NCALD: variants seen among roughly 807,000 people sequenced by gnomAD.
NCALD encodes the protein neurocalcin-delta.
Under a neutral mutation model 18.6 loss-of-function variants are expected in NCALD, and 10 were observed. The ratio of observed to expected loss-of-function variants is 0.54; its 90% CI spans 0.33 to 0.91. The LOEUF is 0.91. Ranked by LOEUF, NCALD falls within the 40% of genes least tolerant of loss-of-function variation. NCALD has a pLI of 0.03. For missense variants in NCALD, 184 were observed against 247.6 expected, an observed-to-expected ratio of 0.74 and a Z score of 1.72; for synonymous variants, 88 against 87.4, an observed-to-expected ratio of 1.01 and a Z score of -0.04.
intron 1 of NCALD, among the ~76,000 whole-genome samples, chr8:101,786,214 A>G (rs1397399347): frequency 2.0e-5 from 3 of 152,158 alleles, no homozygotes; most frequent in Non-Finnish European, 2.9e-5. Flanking sequence ...ATGTGCTCAA[A>G]ATTTGCTGAA....
chr8:101,889,216 G>A (rs1816784969), intron 3 of NCALD, among the ~76,000 whole-genome samples: 1 of 152,246 alleles, frequency 6.6e-6, no homozygotes, highest in South Asian at 2.1e-4. Flanking sequence ...GCCACATGCT[G>A]TGAACGAAGC....
At chr8:101,914,826 C>T (rs1817921978) in intron 3 of NCALD, among the ~76,000 whole-genome samples, 1 of 152,132 alleles carries the variant, frequency 6.6e-6, no homozygotes, top group South Asian at 2.1e-4. Context: ...ATATTTGCTG[C>T]CACAGTCTTA....
In NCALD at chr8:102,008,580, G is replaced by C. The variant is rs1174760065; in HGVS notation, c.-157+11657C>G. 2.6e-5 allele frequency among the ~76,000 whole-genome samples: 4 copies of C among 151,208 alleles called. 1 individual carries two copies. Among genetic ancestry groups the C allele is most frequent in the Non-Finnish European group, 5.9e-5 (4 of 67,890 alleles). On this transcript the variant is annotated intron_variant, in intron 2 of 6. Coordinates refer to the NCALD transcript ENST00000311028. ...TGAAAAAAATGTCCTCCTTATACCAGAAGGAAAGCAACATTCCTAACATCA... is the reference window on the plus strand; with the variant it reads ...TGAAAAAAATGTCCTCCTTATACCACAAGGAAAGCAACATTCCTAACATCA...
intron 3 of NCALD, among the ~76,000 whole-genome samples, chr8:101,888,082 G>A (rs1816739084): frequency 6.6e-6 from 1 of 152,092 alleles, no homozygotes; most frequent in African/African-American, 2.4e-5. Context: ...TTGCTGAATC[G>A]GCCACTGTAT....
chr8:101,791,412 T>A (rs534847229), upstream of NCALD, among the ~76,000 whole-genome samples: 61 of 152,270 alleles, frequency 4.0e-4, no homozygotes, highest in African/African-American at 1.4e-3. Flanking sequence ...ATTAAACTTA[T>A]TTGCAAGCAA....
At chr8:101,958,791 A>G (rs1200850862) in intron 2 of NCALD, among the ~76,000 whole-genome samples, 1 of 152,218 alleles carries the variant, frequency 6.6e-6, no homozygotes, top group Non-Finnish European at 1.5e-5. Flanking sequence ...TATAAATACA[A>G]CTGGACAGTA....
At chr8:102,098,714 G>C (rs929782507) in intron 1 of NCALD, among the ~76,000 whole-genome samples, 1 of 152,024 alleles carries the variant, frequency 6.6e-6, no homozygotes, top group African/African-American at 2.4e-5. Context: ...TCAGACATCA[G>C]ACCCTGCCTT....
At chr8:101,842,133 T>C (rs1814667960) in intron 4 of NCALD, among the ~76,000 whole-genome samples, 1 of 152,184 alleles carries the variant, frequency 6.6e-6, no homozygotes, top group Non-Finnish European at 1.5e-5. Flanking sequence ...TCACATGGTC[T>C]TCCCTCTCTA....
At chr8:102,033,307 T>G (rs566760895) in intron 1 of NCALD, among the ~76,000 whole-genome samples, 2 of 152,290 alleles carry the variant, frequency 1.3e-5, no homozygotes, top group Admixed American at 1.3e-4. Flanking sequence ...AACTGAGAGA[T>G]AACCTCTTGA....
chr8:101,862,380 AT>A (rs942961389), intron 4 of NCALD, among the ~76,000 whole-genome samples: 16 of 152,082 alleles, frequency 1.1e-4, no homozygotes, highest in African/African-American at 3.1e-4. Flanking sequence ...CAGGCACAAC[AT>A]TTTTTTTAGG....
chr8:101,846,838 G>A (rs987071786), intron 4 of NCALD, among the ~76,000 whole-genome samples: 8 of 152,138 alleles, frequency 5.3e-5, no homozygotes, highest in African/African-American at 1.9e-4. Context: ...CAGCTGGTCT[G>A]GGACCACATT....
rs538406661 is a variant in NCALD, at chr8:101,778,663, G to A, written c.-20+12199C>T. ...AAATCCTCTGAATGCACATAAAAGG[G>A]AAGAAAGAAAATATGGGAAAAAAGT... On this transcript the variant is annotated intron_variant, in intron 1 of 3. Transcript: ENST00000220931. 2.7e-4 allele frequency among the ~76,000 whole-genome samples: 41 copies of A among 152,152 alleles called. 1 individual carries two copies. The South Asian group carries it at 8.3e-3, about 31-fold the overall frequency.
intron 1 of NCALD, among the ~76,000 whole-genome samples, chr8:102,106,103 G>A (rs907307636): frequency 4.7e-5 from 7 of 149,542 alleles, no homozygotes; most frequent in South Asian, 2.1e-4. Context: ...GGAGTTTCAC[G>A]CTGTCAACCA....
chr8:101,727,590 C>T (rs1816629118), intron 1 of NCALD, among the ~76,000 whole-genome samples: 1 of 152,212 alleles, frequency 6.6e-6, no homozygotes, highest in Admixed American at 6.5e-5. Flanking sequence ...AAGGAATTCT[C>T]CTGCCTCAGC....
intron 1 of NCALD, among the ~76,000 whole-genome samples, chr8:102,120,373 G>A (rs1282900140): frequency 1.3e-5 from 2 of 152,212 alleles, no homozygotes; most frequent in African/African-American, 4.8e-5. Flanking sequence ...CACAGGAATA[G>A]ACACAGGACC....
intron 1 of NCALD, among the ~76,000 whole-genome samples, chr8:102,089,201 T>C (rs1050358341): frequency 1.2e-4 from 19 of 152,192 alleles, no homozygotes; most frequent in African/African-American, 4.6e-4. Flanking sequence ...GAGACCATCC[T>C]GGTTAACATG....
intron 1 of NCALD, among the ~76,000 whole-genome samples, chr8:102,083,991 AC>A (rs1440905221): frequency 1.3e-5 from 2 of 152,222 alleles, no homozygotes. Context: ...AAGTATCCAC[AC>A]CTACCTCATG....
chr8:101,810,629 T>C (rs1277067682), intron 4 of NCALD, among the ~76,000 whole-genome samples: 2 of 152,176 alleles, frequency 1.3e-5, no homozygotes, highest in Non-Finnish European at 2.9e-5. Flanking sequence ...TAGGATAATA[T>C]TTAGCCTATT....
chr8:101,996,359 A>G (rs1821239230), intron 2 of NCALD, among the ~76,000 whole-genome samples: 3 of 152,232 alleles, frequency 2.0e-5, no homozygotes, highest in Admixed American at 2.0e-4. Context: ...GGGCACTTCT[A>G]CACATCAAGT....
Sources: allele counts gnomAD v4.1 joint callset (sites outside exome capture counted in the v4.1 genomes callset), GRCh38; gene constraint gnomAD v4.1.1; transcripts MANE v1.5; gene names NCBI Gene and HGNC (gene_info 2026-07-23, HGNC 2026-07-21).